The following DPY19L2 variants were observed in gnomAD, a reference collection of about 807,000 sequenced individuals.
The protein encoded by DPY19L2 is probable C-mannosyltransferase DPY19L2.
In DPY19L2, 34 loss-of-function variants were observed where a neutral mutation model predicts 97.9. The ratio of observed to expected loss-of-function variants is 0.35; its 90% confidence interval spans 0.26 to 0.46. DPY19L2 has a LOEUF of 0.46. Among genes scored for constraint, DPY19L2 ranks in the 20% least tolerant of loss-of-function variants. The pLI is 1.00. For missense variants in DPY19L2, 623 were observed against 911.4 expected (o/e 0.68, Z 4.07); for synonymous variants, 230 against 307.9 (o/e 0.75, Z 2.65).
intron 5 of DPY19L2, among the ~76,000 whole-genome samples, chr12:63,645,309 C>G (rs1451618183): frequency 6.6e-6 from 1 of 152,132 alleles, no homozygotes; most frequent in Non-Finnish European, 1.5e-5. Context: ...TCGTTTCAGT[C>G]AGTTCTAGTA....
intron 7 of DPY19L2, among the ~76,000 whole-genome samples, chr12:63,625,836 A>G (rs7306075): frequency 0.4 from 60,537 of 151,518 alleles, 12,235 homozygotes; most frequent in South Asian, 0.46. Flanking sequence ...GATCTGCTAT[A>G]CAACATTGTG....
intron 3 of DPY19L2, among the ~76,000 whole-genome samples, chr12:63,661,929 T>C (rs1241408500): frequency 6.6e-6 from 1 of 152,160 alleles, no homozygotes; most frequent in Non-Finnish European, 1.5e-5. Context: ...AAATAAAATA[T>C]AATGACCATA....
chr12:63,635,238 A>C (rs1158486525), intron 6 of DPY19L2, among the ~76,000 whole-genome samples: 2 of 152,160 alleles, frequency 1.3e-5, no homozygotes, highest in Non-Finnish European at 2.9e-5. Flanking sequence ...TTAGAAGGAA[A>C]ACTAACAAAC....
intron 8 of DPY19L2, among the ~76,000 whole-genome samples, chr12:63,621,969 T>C (rs1177740051): frequency 1.3e-5 from 2 of 152,206 alleles, no homozygotes; most frequent in Non-Finnish European, 2.9e-5. Flanking sequence ...ACAAACATTT[T>C]ACATAAATAG....
chr12:63,601,806 G>T (rs890035958), intron 12 of DPY19L2, among the ~76,000 whole-genome samples: 2 of 152,040 alleles, frequency 1.3e-5, no homozygotes, highest in Admixed American at 1.3e-4. Flanking sequence ...GTGCAAGAAG[G>T]AAAAAGTATC....
intron 11 of DPY19L2, among the ~76,000 whole-genome samples, chr12:63,609,401 T>C (rs1461443100): frequency 6.6e-6 from 1 of 152,100 alleles, no homozygotes; most frequent in Non-Finnish European, 1.5e-5. Flanking sequence ...CCCAGTGTGA[T>C]AGTGTTTGGA....
chr12:63,569,659 CA>C (rs1191985479), intron 20 of DPY19L2, among the ~76,000 whole-genome samples: 6 of 152,150 alleles, frequency 3.9e-5, no homozygotes, highest in African/African-American at 1.4e-4. Flanking sequence ...TCACAGTTTT[CA>C]GAGAATATAT....
intron 6 of DPY19L2, among the ~76,000 whole-genome samples, chr12:63,634,498 G>A (rs1891302540): frequency 6.6e-6 from 1 of 152,196 alleles, no homozygotes; most frequent in Admixed American, 6.5e-5. Context: ...CCTCACCCGG[G>A]AAGCACAAAG....
chr12:63,644,366 C>G, intron 6 of DPY19L2, 37 bp downstream of exon 6: 1 of 1,582,730 alleles, frequency 6.3e-7, no homozygotes, highest in Non-Finnish European at 8.6e-7. Context: ...TCTGTAAAAG[C>G]CCACTGAAAG....
chr12:63,649,734 A>T (rs1051114409), intron 4 of DPY19L2, among the ~76,000 whole-genome samples: 2 of 152,188 alleles, frequency 1.3e-5, no homozygotes, highest in Non-Finnish European at 2.9e-5. Context: ...TTCACAGCCA[A>T]ATTCTACCAG....
intron 4 of DPY19L2, chr12:63,660,873 T>C (rs901939064): frequency 6.6e-6 from 1 of 152,158 alleles, no homozygotes; most frequent in African/African-American, 2.4e-5. Context: ...TATAGACTAC[T>C]ATAACAACCA....
intron 6 of DPY19L2, among the ~76,000 whole-genome samples, chr12:63,639,297 T>G (rs1892291126): frequency 6.6e-6 from 1 of 152,110 alleles, no homozygotes; most frequent in Non-Finnish European, 1.5e-5. Flanking sequence ...GGGCAAGGAC[T>G]TCATGACTAA....
At chr12:63,650,253 C>T (rs886196044) in intron 4 of DPY19L2, among the ~76,000 whole-genome samples, 7 of 152,082 alleles carry the variant, frequency 4.6e-5, no homozygotes, top group African/African-American at 7.2e-5. Context: ...GCCTTGAGAA[C>T]TGGAACAACA....
chr12:63,589,043 G>A (rs1407013098), intron 16 of DPY19L2, among the ~76,000 whole-genome samples: 3 of 151,722 alleles, frequency 2.0e-5, no homozygotes, highest in East Asian at 1.9e-4. Context: ...GTGAGCCACC[G>A]CGCCTGGCCA....
intron 19 of DPY19L2, among the ~76,000 whole-genome samples, chr12:63,579,993 A>G (rs1219875779): frequency 1.3e-5 from 2 of 152,154 alleles, no homozygotes; most frequent in East Asian, 3.8e-4. Flanking sequence ...TTAGTTACAG[A>G]AAATGTTATA....
chr12:63,559,236 A>G lies in DPY19L2; in HGVS notation c.*1276T>C, dbSNP rs1176811802. The G allele has an allele frequency of 6.6e-6, 1 of 152,166 alleles. No individual in the cohort carries two copies. Among genetic ancestry groups the G allele is most frequent in the Admixed American group, 6.5e-5 (1 of 15,280 alleles). The allele number at this position is 152,166 out of a possible 1,614,324, so 9.4% of individuals were successfully genotyped here. ...TATTTTACAACTATGAAAGTTGAAAAATAACTTTATTGGTTTTGCTGCATA... is the reference window on the plus strand; with the variant it reads ...TATTTTACAACTATGAAAGTTGAAAGATAACTTTATTGGTTTTGCTGCATA... On this transcript the variant is annotated 3_prime_UTR_variant, in exon 22 of 22. Transcript: ENST00000324472.
chr12:63,631,725 T>A (rs1235074890), intron 6 of DPY19L2, among the ~76,000 whole-genome samples: 1 of 152,148 alleles, frequency 6.6e-6, no homozygotes, highest in Non-Finnish European at 1.5e-5. Flanking sequence ...GAGGCCAGCA[T>A]CATCCTGATA....
chr12:63,639,110 T>C (rs946896600), intron 6 of DPY19L2, among the ~76,000 whole-genome samples: 4 of 152,132 alleles, frequency 2.6e-5, no homozygotes, highest in Non-Finnish European at 5.9e-5. Context: ...CGGAAAGGAT[T>C]CCCTATTTAA....
At chr12:63,637,350 A>G in intron 6 of DPY19L2, among the ~76,000 whole-genome samples, 1 of 152,142 alleles carries the variant, frequency 6.6e-6, no homozygotes, top group South Asian at 2.1e-4. Context: ...TCTAAAATAG[A>G]CACCCTAACA....
Sources: allele counts gnomAD v4.1 joint callset (sites outside exome capture counted in the v4.1 genomes callset), GRCh38; gene constraint gnomAD v4.1.1; transcripts MANE v1.5; gene names NCBI Gene and HGNC (gene_info 2026-07-23, HGNC 2026-07-21).